Variants in ZNF518A observed in about 807,000 individuals in gnomAD.
ZNF518A encodes the protein zinc finger protein 518A, also known as zinc finger protein 518.
ZNF518A carries 47 observed loss-of-function variants against 102.7 expected under a neutral mutation model. That is an observed-to-expected ratio of 0.46 (90% CI 0.36 to 0.58). The LOEUF (loss-of-function observed/expected upper bound fraction) is 0.58, where lower values mean the gene tolerates loss of function less well. Ranked by LOEUF, ZNF518A falls within the 20% of genes least tolerant of loss-of-function variation. The pLI, the probability that ZNF518A is intolerant of heterozygous loss-of-function variation, is 0.00. For synonymous variants in ZNF518A, 652 were observed against 594.6 expected, an observed-to-expected ratio of 1.10 and a Z score of -1.40; for missense variants, 1,793 against 1,699.8, an observed-to-expected ratio of 1.05 and a Z score of -0.96.
intron 3 of ZNF518A, among the ~76,000 whole-genome samples, chr10:96,149,349 G>A (rs1330118250): frequency 2.6e-5 from 4 of 152,182 alleles, no homozygotes; most frequent in African/African-American, 9.7e-5. Context: ...GTATATGGTC[G>A]TTTAATCCTC....
At chr10:96,176,634 A>G (rs1554891511) in intron 1 of ZNF518A, among the ~76,000 whole-genome samples, 1 of 152,238 alleles carries the variant, frequency 6.6e-6, no homozygotes, top group Non-Finnish European at 1.5e-5. Flanking sequence ...ACAGTGGCTC[A>G]TGCCTGTAAT....
Position 96,190,181 on chromosome 10 carries a change from C to T in ZNF518A, n.36-13393C>T, listed in dbSNP as rs2083306542. The T allele has an allele frequency of 7.5e-6, 6 of 805,152 alleles. No homozygotes were observed. In the South Asian group the frequency reaches 8.0e-5, roughly 11 times the overall value. 49.9% of individuals were successfully genotyped at this position (805,152 alleles called of 1,614,324 possible). ...TCACAACTGAAAAGATAGTTCTGGGCCTCAGGGGGCTCACGTCCATGTCCA... is the reference window on the plus strand; with the variant it reads ...TCACAACTGAAAAGATAGTTCTGGGTCTCAGGGGGCTCACGTCCATGTCCA... On this transcript the variant is annotated intron_variant and non_coding_transcript_variant, in intron 1 of 2. Transcript: ENST00000442635.
chr10:96,133,149 A>G (rs2081423500), intron 2 of ZNF518A, among the ~76,000 whole-genome samples: 1 of 152,186 alleles, frequency 6.6e-6, no homozygotes, highest in Admixed American at 6.5e-5. Flanking sequence ...ATCCAAATAT[A>G]ACTTTAACTA....
intron 3 of ZNF518A, among the ~76,000 whole-genome samples, chr10:96,140,782 A>AT (rs1337476247): frequency 6.6e-6 from 1 of 151,060 alleles, no homozygotes; most frequent in Non-Finnish European, 1.5e-5. Context: ...AAAAAAAAGA[A>AT]TTGGAAAAAT....
Position 96,156,788 on chromosome 10 carries a change from A to G in ZNF518A, c.466A>G (p.Asn156Asp). ...ELPSYPCEMCNFSANDFQVFK... is the reference protein window; with the variant it reads ...ELPSYPCEMCDFSANDFQVFK... ...ACCTTCATATCCTTGTGAAATGTGC[A>G]ACTTTTCAGCAAATGACTTTCAGGT... The change falls in exon 6 of 6, where the codon AAC becomes GAC. Residue 156 changes from asparagine (N) to aspartate (D), a missense_variant. Transcript: ENST00000316045. 6.2e-7 allele frequency: 1 copy of G among 1,613,992 alleles called. No homozygotes were observed. Among genetic ancestry groups the G allele is most frequent in the Non-Finnish European group, 8.5e-7 (1 of 1,179,836 alleles).
intron 2 of ZNF518A, chr10:96,203,665 A>G (rs1870173): frequency 0.87 from 136,463 of 156,286 alleles, 60,028 homozygotes; most frequent in South Asian, 0.94. Flanking sequence ...TCTTTAAAAT[A>G]TATTTTGACT....
downstream of ZNF518A, among the ~76,000 whole-genome samples, chr10:96,165,141 C>G (rs1316050888): frequency 6.6e-6 from 1 of 151,934 alleles, no homozygotes; most frequent in Admixed American, 6.5e-5. Context: ...ATTTATTTTT[C>G]GAGATGGAGT....
At chr10:96,167,918 G>T (rs1303255561), downstream of ZNF518A, among the ~76,000 whole-genome samples, 2 of 152,180 alleles carry the variant, frequency 1.3e-5, no homozygotes, top group Non-Finnish European at 1.5e-5. Context: ...ATTACAGGAG[G>T]TTGTAAAACA....
chr10:96,183,800 G>C (rs372653487), intron 1 of ZNF518A, among the ~76,000 whole-genome samples: 3 of 152,168 alleles, frequency 2.0e-5, no homozygotes, highest in East Asian at 1.9e-4. Context: ...GTTGATTTGG[G>C]GTGGAGAGTT....
chr10:96,166,230 A>G (rs1243092643), downstream of ZNF518A, among the ~76,000 whole-genome samples: 4 of 152,132 alleles, frequency 2.6e-5, no homozygotes, highest in Non-Finnish European at 5.9e-5. Flanking sequence ...AATCTTCCCC[A>G]TTCAGTGTAA....
At chr10:96,168,828 TG>T (rs2083157871) in intron 1 of ZNF518A, among the ~76,000 whole-genome samples, 1 of 152,248 alleles carries the variant, frequency 6.6e-6, no homozygotes, top group Non-Finnish European at 1.5e-5. Flanking sequence ...GACTATGATG[TG>T]CCAGTATGCA....
Position 96,158,646 on chromosome 10 carries a change from C to T in ZNF518A, c.2324C>T (p.Ala775Val). 2 of 1,613,286 alleles carry T rather than the reference C, an allele frequency of 1.2e-6. No individual in the cohort carries two copies. The highest frequency in any genetic ancestry group is 2.2e-5 in the South Asian group (2 of 91,002). The stretch of plus-strand genomic sequence containing the variant: ...GTTTTCTCTCTCCAGAGCCAACAGG[C>T]ATCAGAATTTCTGCCACCTGAAGTA... ...TSVFSLQSQQ[A>V]SEFLPPEVNQ... The change falls in exon 6 of 6, where the codon GCA becomes GTA. Residue 775 changes from alanine (A) to valine (V), a missense_variant. Around this residue, in one of 3 missense-constraint regions of ZNF518A, gnomAD observed 1,741 missense variants for 1,622.6 expected, o/e 1.07. Coordinates refer to ENST00000316045, the MANE Select transcript of ZNF518A (RefSeq NM_001330736.2).
Position 96,163,625 on chromosome 10 carries a change from A to G in ZNF518A, c.*2851A>G, listed in dbSNP as rs1554889218. 1.2e-5 allele frequency: 2 copies of G among 167,036 alleles called. No homozygotes were observed. The highest frequency in any genetic ancestry group is 4.8e-5 in the African/African-American group (2 of 41,462). 10.3% of individuals were successfully genotyped at this position (167,036 alleles called of 1,614,324 possible). On this transcript the variant is annotated 3_prime_UTR_variant, in exon 6 of 6. Coordinates refer to ENST00000316045, the MANE Select transcript of ZNF518A (RefSeq NM_001330736.2). ...GGGGGTTAGCAAATTTTTTCAATAA[A>G]GGGTCAGATAAATAAGCTTCGTAGG...
rs1283299589 is a variant in ZNF518A at position 96,159,459 on chromosome 10, C to T, written c.3137C>T (p.Pro1046Leu). ...AAAAGTAGCTCAGAAAATACTTTGC[C>T]ATTAAAAGGCCCTTACATTTTGAAA... The part of the protein sequence containing the change: ...SMKSSSENTL[P>L]LKGPYILKPT... Residue 1046 changes from proline to leucine, a missense_variant, in exon 6 of 6, where the codon CCA (proline) becomes CTA (leucine). Physicochemically the swap from Pro to Leu is moderately conservative, Grantham distance 98. Transcript: ENST00000316045. The T allele has an allele frequency of 2.5e-6, 4 of 1,613,650 alleles. No individual in the cohort carries two copies. In the African/African-American group the frequency reaches 4.0e-5, roughly 16 times the overall value.
At position 96,200,020 on chromosome 10, in the gene ZNF518A, A is replaced by G; in HGVS notation, n.36-3554A>G. On this transcript the variant is annotated intron_variant and non_coding_transcript_variant, in intron 1 of 2. Coordinates refer to the ZNF518A transcript ENST00000442635. The surrounding 1 kb of genome is among the most constrained non-coding windows in gnomAD (Gnocchi z 4.3). ...TCCAGTGAAACTGCATCATCTCAAA[A>G]CAAATAAATAAAATAAAATAAAATA... is the stretch of plus-strand genomic sequence containing the variant. 1 of 1,251,172 alleles carries G rather than the reference A, an allele frequency of 8.0e-7. No individual in the cohort carries two copies. The highest frequency in any genetic ancestry group is 1.0e-6 in the Non-Finnish European group (1 of 965,294). The allele number at this position is 1,251,172 out of a possible 1,614,324, so 77.5% of individuals were successfully genotyped here.
chr10:96,151,033 GTGAGCCAGCACTCCCAGCCTTAC>G (rs1311411103), intron 3 of ZNF518A, among the ~76,000 whole-genome samples: 2 of 152,174 alleles, frequency 1.3e-5, no homozygotes, highest in East Asian at 3.9e-4. Context: ...GATTACAGGT[GTGAGCCAGCACTCCCAGCCTTAC>G]TGCAGTAACT....
At chr10:96,136,346 A>G (rs782218602) in intron 3 of ZNF518A, among the ~76,000 whole-genome samples, 1 of 150,720 alleles carries the variant, frequency 6.6e-6, no homozygotes, top group African/African-American at 2.4e-5. Flanking sequence ...ATAAATATGT[A>G]TATATAACCT....
intron 3 of ZNF518A, among the ~76,000 whole-genome samples, chr10:96,150,265 C>T (rs587731090): frequency 8.1e-5 from 12 of 148,684 alleles, no homozygotes; most frequent in Non-Finnish European, 1.5e-4. Flanking sequence ...ACCTGGGAGG[C>T]GGAGCTTGCA....
At chr10:96,130,295 T>C (rs1260969222), upstream of ZNF518A, among the ~76,000 whole-genome samples, 2 of 152,242 alleles carry the variant, frequency 1.3e-5, no homozygotes, top group Non-Finnish European at 2.9e-5. Context: ...GCGCTTCCGC[T>C]TAACTTGCCG....
Sources: allele counts gnomAD v4.1 joint callset (sites outside exome capture counted in the v4.1 genomes callset), GRCh38; gene constraint gnomAD v4.1.1; regional missense constraint gnomAD v4.1.1; non-coding constraint Gnocchi (gnomAD v3.1); transcripts MANE v1.5; gene names NCBI Gene and HGNC (gene_info 2026-07-23, HGNC 2026-07-21).